Variants in PLEKHG1 observed in about 807,000 individuals in gnomAD.
PLEKHG1 encodes pleckstrin homology and RhoGEF domain containing G1.
A neutral mutation model predicts 100.8 loss-of-function variants in PLEKHG1; 44 were observed. The observed-to-expected ratio is 0.44, with a 90% CI of 0.34 to 0.56. The LOEUF (loss-of-function observed/expected upper bound fraction) is 0.56, where lower values mean the gene tolerates loss of function less well. PLEKHG1 is among the 20% of genes least tolerant of loss of function. PLEKHG1 has a pLI of 0.01. For synonymous variants in PLEKHG1, 640 were observed against 662.5 expected (o/e 0.97, Z 0.52); for missense variants, 1,545 against 1,720.9 (o/e 0.90, Z 1.81).
At chr6:150,714,014 A>G (rs1781333342) in intron 3 of PLEKHG1, among the ~76,000 whole-genome samples, 1 of 152,204 alleles carries the variant, frequency 6.6e-6, no homozygotes, top group South Asian at 2.1e-4. Flanking sequence ...AGAGCTCCCA[A>G]GCCTTTTCTT....
intron 6 of PLEKHG1, among the ~76,000 whole-genome samples, chr6:150,802,668 T>C (rs7381386): frequency 2.7e-5 from 2 of 72,738 alleles, no homozygotes; most frequent in South Asian, 4.1e-4. Context: ...CACATCATTT[T>C]TTTTTTTTTT....
chr6:150,801,761 T>C (rs1786726735), intron 6 of PLEKHG1, among the ~76,000 whole-genome samples: 2 of 151,888 alleles, frequency 1.3e-5, no homozygotes, highest in Non-Finnish European at 2.9e-5. Flanking sequence ...TTTCTTACCC[T>C]CCAAAAAACT....
intron 3 of PLEKHG1, among the ~76,000 whole-genome samples, chr6:150,670,924 T>A (rs1265389368): frequency 6.6e-6 from 1 of 150,946 alleles, no homozygotes; most frequent in African/African-American, 2.4e-5. Context: ...ATCATTCTTA[T>A]GCCTTTGCGT....
intron 3 of PLEKHG1, among the ~76,000 whole-genome samples, chr6:150,691,517 C>T (rs192958464): frequency 1.8e-3 from 273 of 152,284 alleles, no homozygotes; most frequent in African/African-American, 5.9e-3. Flanking sequence ...TACAGACTAC[C>T]ATTGGCCTAA....
At chr6:150,616,023 G>A (rs935957349) in intron 1 of PLEKHG1, among the ~76,000 whole-genome samples, 2 of 152,160 alleles carry the variant, frequency 1.3e-5, no homozygotes, top group Non-Finnish European at 2.9e-5. Context: ...CAAAAGATGA[G>A]GTAACTTGTC....
exon 15 of PLEKHG1, chr6:150,830,661 C>A: frequency 6.2e-7 from 1 of 1,614,096 alleles, no homozygotes; most frequent in Non-Finnish European, 8.5e-7. Flanking sequence ...CCTAGCAGTT[C>A]TACCATGATC....
rs1336894162 is a variant in PLEKHG1 at position 150,605,026 on chromosome 6, CA to C, written c.-204+5012del. ...TCACCAGTGGTGGGGTCGTTCCACA[CA>C]AAGTTGAAATATCTGTCTCTTCCCT... On this transcript the variant is annotated intron_variant, in intron 1 of 3. Transcript: ENST00000367326. 2.6e-5 allele frequency among the ~76,000 whole-genome samples: 4 copies of C among 152,296 alleles called. No homozygotes were observed. The East Asian group carries it at 7.7e-4, about 29-fold the overall frequency.
intron 1 of PLEKHG1, among the ~76,000 whole-genome samples, chr6:150,732,546 C>T (rs186860416): frequency 6.6e-6 from 1 of 152,326 alleles, no homozygotes; most frequent in Admixed American, 6.5e-5. Flanking sequence ...AATCACAAAC[C>T]TATATGGCAT....
rs149997799 is a variant in PLEKHG1 at position 150,645,749 on chromosome 6, A to G, written c.-157-4979A>G. Among the ~76,000 whole-genome samples the G allele has an allele frequency of 3.3e-3, 497 of 152,300 alleles. 3 individuals carry two copies. Among genetic ancestry groups the G allele is most frequent in the Admixed American group, 4.8e-3 (74 of 15,300 alleles). On this transcript the variant is annotated intron_variant, in intron 2 of 3. Coordinates refer to the PLEKHG1 transcript ENST00000367326. ...AATTGTGTAGCACCAAGTGTTGGCC[A>G]TAGTGTAGTGTAGAGCCAGTGGAAC...
chr6:150,698,474 T>C (rs1278609381), intron 3 of PLEKHG1, among the ~76,000 whole-genome samples: 1 of 137,246 alleles, frequency 7.3e-6, no homozygotes, highest in Non-Finnish European at 1.6e-5. Flanking sequence ...CCTAACCTGA[T>C]TGCGTGTGTA....
intron 3 of PLEKHG1, among the ~76,000 whole-genome samples, chr6:150,702,955 G>A (rs1780859346): frequency 6.6e-6 from 1 of 152,150 alleles, no homozygotes; most frequent in African/African-American, 2.4e-5. Context: ...TGCATCTTTA[G>A]TGGCATAGCT....
chr6:150,712,769 A>G (rs1453790197), intron 3 of PLEKHG1, among the ~76,000 whole-genome samples: 1 of 152,254 alleles, frequency 6.6e-6, no homozygotes, highest in Non-Finnish European at 1.5e-5. Context: ...AATTAAACAT[A>G]AGATGAAAGA....
At chr6:150,829,273 A>G (rs892172590) in intron 14 of PLEKHG1, among the ~76,000 whole-genome samples, 1 of 152,238 alleles carries the variant, frequency 6.6e-6, no homozygotes, top group Non-Finnish European at 1.5e-5. Flanking sequence ...AGCTCCATCC[A>G]GAAGGGTTCC....
intron 2 of PLEKHG1, among the ~76,000 whole-genome samples, chr6:150,640,287 C>T (rs1305590320): frequency 2.0e-5 from 3 of 152,248 alleles, no homozygotes; most frequent in Non-Finnish European, 2.9e-5. Context: ...CCCAAATGCG[C>T]AGGCTTGCCC....
chr6:150,732,708 C>T (rs985371356), intron 1 of PLEKHG1, among the ~76,000 whole-genome samples: 1 of 152,170 alleles, frequency 6.6e-6, no homozygotes, highest in Non-Finnish European at 1.5e-5. Context: ...ACCTCTGCCT[C>T]CCGGGTTCAA....
chr6:150,713,060 C>G (rs150569173), intron 3 of PLEKHG1, among the ~76,000 whole-genome samples: 1 of 152,198 alleles, frequency 6.6e-6, no homozygotes. Context: ...CCATTCACTG[C>G]GCCCAGCATG....
At chr6:150,762,649 ACT>A (rs1784224616) in intron 2 of PLEKHG1, among the ~76,000 whole-genome samples, 1 of 151,570 alleles carries the variant, frequency 6.6e-6, no homozygotes, top group East Asian at 1.9e-4. Context: ...CCCAGGGAAA[ACT>A]CTATCTCCAT....
chr6:150,800,680 G>A, intron 5 of PLEKHG1, 39 bp from the exon 7 acceptor site: 6 of 1,595,458 alleles, frequency 3.8e-6, no homozygotes, highest in Non-Finnish European at 4.3e-6. Flanking sequence ...CCCACATAAA[G>A]CATTACAATT....
chr6:150,694,691 CTG>C (rs1780476703), intron 3 of PLEKHG1, among the ~76,000 whole-genome samples: 1 of 138,120 alleles, frequency 7.2e-6, no homozygotes. Context: ...CAGTGAGACT[CTG>C]TCTCAAAAAA....
Sources: gnomAD v4.1 joint callset for allele counts (sites outside exome capture counted in the v4.1 genomes callset) on GRCh38, gnomAD v4.1.1 for gene constraint, MANE v1.5 for transcripts, NCBI Gene and HGNC (gene_info 2026-07-23, HGNC 2026-07-21) for gene names.